Variants in SESTD1 observed in about 807,000 individuals in gnomAD.
SESTD1 encodes SEC14 and spectrin domain containing 1.
In SESTD1, 43 loss-of-function variants were observed where a neutral mutation model predicts 101.7. The ratio of observed to expected loss-of-function variants is 0.42; its 90% CI spans 0.33 to 0.55. The LOEUF is 0.55. Ranked by LOEUF, SESTD1 falls within the 20% of genes least tolerant of loss-of-function variation. The pLI is 0.07. For missense variants in SESTD1, 647 were observed against 815.1 expected, an observed-to-expected ratio of 0.79 and a Z score of 2.51; for synonymous variants, 283 against 286.8, an observed-to-expected ratio of 0.99 and a Z score of 0.13.
intron 5 of SESTD1, among the ~76,000 whole-genome samples, chr2:179,168,724 CATAA>C (rs2045878747): frequency 6.6e-6 from 1 of 152,020 alleles, no homozygotes; most frequent in East Asian, 1.9e-4. Flanking sequence ...CCAGAAATGG[CATAA>C]ATGAAAGTAA....
chr2:179,186,218 ACT>A (rs2046230240), intron 2 of SESTD1, among the ~76,000 whole-genome samples: 1 of 151,882 alleles, frequency 6.6e-6, no homozygotes, highest in Non-Finnish European at 1.5e-5. Context: ...AGTCCAAATA[ACT>A]CTGAGTTGGC....
intron 1 of SESTD1, chr2:179,264,179 G>C (rs986521191): frequency 6.6e-6 from 1 of 152,224 alleles, no homozygotes; most frequent in South Asian, 2.1e-4. Context: ...GAACGGAAAA[G>C]CGCGCGGCCC....
chr2:179,220,888 A>C (rs528001801), intron 1 of SESTD1, among the ~76,000 whole-genome samples: 1 of 152,220 alleles, frequency 6.6e-6, no homozygotes, highest in Non-Finnish European at 1.5e-5. Flanking sequence ...CATTGAGTTA[A>C]GACTAAATGT....
rs1250822848 is a variant in SESTD1 at position 179,225,415 on chromosome 2, A to AT, written c.-25-33550dup. On this transcript the variant is annotated intron_variant, in intron 1 of 17. Coordinates refer to ENST00000428443, the MANE Select transcript of SESTD1 (RefSeq NM_178123.5). ...TGACATCCCTTAAATATAATTATTC[A>AT]TTTTTTTAAAGATATGACATTAAGG... is the stretch of plus-strand genomic sequence containing the variant. 2.6e-5 allele frequency among the ~76,000 whole-genome samples: 4 copies of AT among 152,096 alleles called. No homozygotes were observed. The East Asian group carries it at 5.8e-4, about 22-fold the overall frequency.
intron 10 of SESTD1, among the ~76,000 whole-genome samples, chr2:179,128,222 G>GTAAAA (rs1389371220): frequency 6.6e-6 from 1 of 152,156 alleles, no homozygotes; most frequent in African/African-American, 2.4e-5. Context: ...GTTTGAATTT[G>GTAAAA]TAAAATATAG....
chr2:179,115,002 A>G (rs2044596444), intron 16 of SESTD1, 63 bp downstream of exon 16: 1 of 1,367,868 alleles, frequency 7.3e-7, no homozygotes, highest in African/African-American at 1.5e-5. Context: ...TACTAAAATT[A>G]ACATATTTTA....
rs1477578995 is a variant in SESTD1 at position 179,202,291 on chromosome 2, G to A, written c.-25-10425C>T. The stretch of plus-strand genomic sequence containing the variant: ...TTTCTGCTTTTTCTCCCCTAAAGAA[G>A]GCCTAATAAAATAACACTCCCCAGT... On this transcript the variant is annotated intron_variant, in intron 1 of 17. Coordinates refer to ENST00000428443, the MANE Select transcript of SESTD1 (RefSeq NM_178123.5). 1.5e-5 allele frequency among the ~76,000 whole-genome samples: 2 copies of A among 133,334 alleles called. 1 individual carries two copies. The highest frequency in any genetic ancestry group is 6.0e-5 in the African/African-American group (2 of 33,546). The allele number at this position is 133,334 out of a possible 152,430, so 87.5% of individuals were successfully genotyped here.
chr2:179,102,656 T>G lies in SESTD1; in HGVS notation c.*7243A>C, dbSNP rs565048231. ...CCATACATATTTTTGAAAATGAGCA[T>G]TAGAAACACACAGATGATTATAATT... On this transcript the variant is annotated 3_prime_UTR_variant, in exon 18 of 18. Transcript: ENST00000428443. 1 of 152,176 alleles carries G rather than the reference T, an allele frequency of 6.6e-6. No homozygotes were observed. The highest frequency in any genetic ancestry group is 1.9e-4 in the East Asian group (1 of 5,184). The allele number at this position is 152,176 out of a possible 1,614,324, so 9.4% of individuals were successfully genotyped here.
At chr2:179,121,748 G>C (rs766564628) in intron 13 of SESTD1, 22 bp downstream of exon 13, 26 of 1,540,360 alleles carry the variant, frequency 1.7e-5, no homozygotes, top group Non-Finnish European at 1.9e-5. Context: ...TTAGTAAAAA[G>C]TAATTAACGG....
At chr2:179,218,450 GAA>G (rs1170041810) in intron 1 of SESTD1, among the ~76,000 whole-genome samples, 1 of 152,140 alleles carries the variant, frequency 6.6e-6, no homozygotes, top group Non-Finnish European at 1.5e-5. Flanking sequence ...TCATTAAATA[GAA>G]AAGAGGCGGA....
intron 1 of SESTD1, 183 bp downstream of exon 1, chr2:179,264,316 A>AGGCGGTGGCGG (rs2047526935): frequency 6.7e-6 from 1 of 148,952 alleles, no homozygotes. Context: ...TTGGGAGCAG[A>AGGCGGTGGCGG]GGCGGTGGCG....
chr2:179,229,778 CAAAT>C (rs2046953182), intron 1 of SESTD1, among the ~76,000 whole-genome samples: 2 of 81,966 alleles, frequency 2.4e-5, no homozygotes, highest in Admixed American at 2.2e-4. Context: ...TATATATACT[CAAAT>C]ACACACACAC....
intron 1 of SESTD1, among the ~76,000 whole-genome samples, chr2:179,212,996 C>T (rs2046671205): frequency 7.4e-6 from 1 of 134,704 alleles, no homozygotes; most frequent in Admixed American, 7.2e-5. Context: ...CTGTAGGTCA[C>T]CAACATCAAA....
chr2:179,188,488 A>G (rs2046269505), intron 2 of SESTD1, among the ~76,000 whole-genome samples: 1 of 152,124 alleles, frequency 6.6e-6, no homozygotes, highest in African/African-American at 2.4e-5. Flanking sequence ...AAATACAAAA[A>G]TTGGCTGAGT....
chr2:179,258,339 C>T (rs2047430955), intron 1 of SESTD1, among the ~76,000 whole-genome samples: 1 of 152,106 alleles, frequency 6.6e-6, no homozygotes, highest in Admixed American at 6.5e-5. Context: ...AATTCATGAC[C>T]TCTCAAAAGC....
At chr2:179,259,922 TAA>T (rs1256649788) in intron 1 of SESTD1, among the ~76,000 whole-genome samples, 2 of 152,156 alleles carry the variant, frequency 1.3e-5, no homozygotes, top group Non-Finnish European at 2.9e-5. Flanking sequence ...CCATCCTTCT[TAA>T]AGAGTGTATT....
intron 7 of SESTD1, among the ~76,000 whole-genome samples, chr2:179,147,795 T>C (rs1431919889): frequency 1.3e-5 from 2 of 152,252 alleles, no homozygotes; most frequent in East Asian, 1.9e-4. Context: ...TCTTTGATCA[T>C]GGACTCATTT....
intron 1 of SESTD1, among the ~76,000 whole-genome samples, chr2:179,249,672 A>G (rs2047286582): frequency 6.6e-6 from 1 of 152,182 alleles, no homozygotes; most frequent in Non-Finnish European, 1.5e-5. Flanking sequence ...CCTAAAAGTT[A>G]CGTACAGAGG....
chr2:179,151,190 C>A, intron 6 of SESTD1, 88 bp downstream of exon 6: 1 of 853,036 alleles, frequency 1.2e-6, no homozygotes, highest in Non-Finnish European at 1.6e-6. Context: ...GAAAAATAAT[C>A]TATATTTTAA....
Sources: gnomAD v4.1 joint callset for allele counts (sites outside exome capture counted in the v4.1 genomes callset) on GRCh38, gnomAD v4.1.1 for gene constraint, MANE v1.5 for transcripts, NCBI Gene and HGNC (gene_info 2026-07-23, HGNC 2026-07-21) for gene names.